Variants in CDH2 observed in about 807,000 individuals in gnomAD.
CDH2 encodes cadherin-2.
Under a neutral mutation model 92.0 loss-of-function variants are expected in CDH2, and 17 were observed. That is an observed-to-expected ratio of 0.18 (90% CI 0.13 to 0.28). The LOEUF is 0.28. Ranked by LOEUF, CDH2 falls within the 10% of genes least tolerant of loss-of-function variation. The pLI is 1.00. For synonymous variants in CDH2, 419 were observed against 415.9 expected, an observed-to-expected ratio of 1.01 and a Z score of -0.09; for missense variants, 862 against 1,133.1, an observed-to-expected ratio of 0.76 and a Z score of 3.44.
chr18:27,956,007 TTATA>T (rs1336223094), intron 15 of CDH2, among the ~76,000 whole-genome samples: 2 of 152,148 alleles, frequency 1.3e-5, no homozygotes, highest in African/African-American at 4.8e-5. Context: ...GAACGAGGTA[TTATA>T]TAAACTCTTG....
At chr18:28,067,701 T>G (rs2014536396) in intron 2 of CDH2, among the ~76,000 whole-genome samples, 1 of 152,170 alleles carries the variant, frequency 6.6e-6, no homozygotes, top group East Asian at 1.9e-4. Flanking sequence ...TTGTTTTACT[T>G]TGTTGACTAA....
At chr18:28,129,423 C>G (rs568892398) in intron 2 of CDH2, among the ~76,000 whole-genome samples, 3 of 152,098 alleles carry the variant, frequency 2.0e-5, no homozygotes, top group Non-Finnish European at 4.4e-5. Flanking sequence ...AAACATGAAC[C>G]AAAATATCAA....
chr18:28,056,109 T>C (rs1225692292), intron 2 of CDH2, among the ~76,000 whole-genome samples: 2 of 152,090 alleles, frequency 1.3e-5, no homozygotes, highest in African/African-American at 4.8e-5. Context: ...GAGTAATTTT[T>C]GTCCTAAAAG....
intron 2 of CDH2, among the ~76,000 whole-genome samples, chr18:28,068,640 A>G (rs2014556884): frequency 6.6e-6 from 1 of 152,206 alleles, no homozygotes; most frequent in African/African-American, 2.4e-5. Flanking sequence ...GTTCGAGACT[A>G]TTGACACTTG....
intron 7 of CDH2, among the ~76,000 whole-genome samples, chr18:28,000,759 A>G (rs2012739744): frequency 6.6e-6 from 1 of 152,196 alleles, no homozygotes; most frequent in Non-Finnish European, 1.5e-5. Flanking sequence ...AAACCTGAAG[A>G]TTAAACAAAA....
chr18:28,059,047 C>T (rs144451247), intron 2 of CDH2, among the ~76,000 whole-genome samples: 29 of 152,288 alleles, frequency 1.9e-4, no homozygotes, highest in Admixed American at 3.3e-4. Flanking sequence ...CTTGCTAAGG[C>T]ACTAACTCCA....
chr18:28,000,902 A>T (rs1317391411), intron 7 of CDH2, among the ~76,000 whole-genome samples: 4 of 152,132 alleles, frequency 2.6e-5, no homozygotes, highest in Non-Finnish European at 5.9e-5. Context: ...ATAGAAATAA[A>T]AGAATTTCAA....
chr18:28,038,040 G>A (rs1332717121), intron 2 of CDH2, among the ~76,000 whole-genome samples: 1 of 152,110 alleles, frequency 6.6e-6, no homozygotes, highest in Non-Finnish European at 1.5e-5. Context: ...TGTTGACTTG[G>A]GAAAAGAATA....
At chr18:28,091,954 C>A (rs2015045360) in intron 2 of CDH2, among the ~76,000 whole-genome samples, 1 of 151,576 alleles carries the variant, frequency 6.6e-6, no homozygotes, top group Non-Finnish European at 1.5e-5. Flanking sequence ...TCTTCGCAGG[C>A]CTTTCTGCTT....
chr18:28,026,562 A>G (rs1047254254), intron 2 of CDH2, among the ~76,000 whole-genome samples: 1 of 152,094 alleles, frequency 6.6e-6, no homozygotes, highest in East Asian at 1.9e-4. Flanking sequence ...CCACTCTCCT[A>G]GAGATCATTC....
Position 28,003,351 on chromosome 18 carries a change from A to T in CDH2, c.848-182T>A, listed in dbSNP as rs562685357. Among the ~76,000 whole-genome samples, 4 of 152,356 alleles carry T rather than the reference A, an allele frequency of 2.6e-5. No homozygotes were observed. In the South Asian group the frequency reaches 8.3e-4, roughly 32 times the overall value. ...CAGTACTTATTTCAAAAAAGATAAA[A>T]CCTGGTCTGGATCTTTGAATGAAAA... On this transcript the variant is annotated intron_variant, in intron 6 of 15. Coordinates refer to ENST00000269141, the MANE Select transcript of CDH2 (RefSeq NM_001792.5).
intron 1 of CDH2, among the ~76,000 whole-genome samples, chr18:28,154,064 T>C (rs2016169092): frequency 6.6e-6 from 1 of 152,210 alleles, no homozygotes; most frequent in Admixed American, 6.5e-5. Context: ...CCCTTATCTT[T>C]ACCTCTGGAA....
At chr18:28,036,200 A>G (rs1599052301) in intron 2 of CDH2, among the ~76,000 whole-genome samples, 1 of 152,174 alleles carries the variant, frequency 6.6e-6, no homozygotes, top group African/African-American at 2.4e-5. Context: ...CTCTAAGCCT[A>G]CAACTCTAGA....
chr18:28,083,758 T>G (rs970174732), intron 2 of CDH2, among the ~76,000 whole-genome samples: 1 of 152,196 alleles, frequency 6.6e-6, no homozygotes, highest in Non-Finnish European at 1.5e-5. Context: ...TATAGTTGAC[T>G]GAATTCATGT....
chr18:27,934,328 C>T (rs937913940), intron 6 of CDH2, among the ~76,000 whole-genome samples: 2 of 152,166 alleles, frequency 1.3e-5, no homozygotes, highest in South Asian at 4.1e-4. Context: ...TGAAATGATT[C>T]TGAGAGCAAT....
At chr18:28,078,850 C>T (rs1046711764) in intron 2 of CDH2, among the ~76,000 whole-genome samples, 4 of 152,140 alleles carry the variant, frequency 2.6e-5, no homozygotes, top group Admixed American at 2.0e-4. Flanking sequence ...TGTGAGCATG[C>T]TTATTTCACA....
chr18:28,116,127 G>A (rs576008184), intron 2 of CDH2, among the ~76,000 whole-genome samples: 8 of 152,220 alleles, frequency 5.3e-5, no homozygotes, highest in African/African-American at 1.9e-4. Context: ...TTCACAGAAC[G>A]ACGACCCTAT....
intron 2 of CDH2, among the ~76,000 whole-genome samples, chr18:28,085,133 C>T (rs370161072): frequency 4.6e-5 from 7 of 152,150 alleles, no homozygotes; most frequent in Admixed American, 6.6e-5. Context: ...TCTAGAGAGA[C>T]AGATTATCCT....
chr18:28,095,978 G>C (rs1163806889), intron 2 of CDH2, among the ~76,000 whole-genome samples: 4 of 152,074 alleles, frequency 2.6e-5, no homozygotes, highest in African/African-American at 9.7e-5. Flanking sequence ...CCTAACATCA[G>C]AAAACAAACT....
Sources: allele counts gnomAD v4.1 joint callset (sites outside exome capture counted in the v4.1 genomes callset), GRCh38; gene constraint gnomAD v4.1.1; transcripts MANE v1.5; gene names NCBI Gene and HGNC (gene_info 2026-07-23, HGNC 2026-07-21).